The following ABTB2 variants were observed in gnomAD, a reference collection of about 807,000 sequenced individuals.
ABTB2 encodes the protein ankyrin repeat and BTB/POZ domain-containing protein 2.
ABTB2 carries 56 observed loss-of-function variants against 104.1 expected under a neutral mutation model. The observed-to-expected ratio is 0.54, with a 90% CI of 0.43 to 0.67. The LOEUF is 0.67. Among genes scored for constraint, ABTB2 ranks in the 30% least tolerant of loss-of-function variants. The probability of loss-of-function intolerance (pLI) is 0.00; values close to 1 mark genes in which losing one functional copy is unlikely to be tolerated. For missense variants in ABTB2, 1,279 were observed against 1,407.7 expected (o/e 0.91, Z 1.46); for synonymous variants, 606 against 608.2 (o/e 1.00, Z 0.05).
intron 1 of ABTB2, among the ~76,000 whole-genome samples, chr11:34,258,633 C>A (rs1207102210): frequency 3.0e-5 from 3 of 101,270 alleles, no homozygotes; most frequent in East Asian, 3.3e-4. Context: ...TTTTTTGAGA[C>A]GGAGTCTTGC....
chr11:34,195,090 G>GGGGGGGC, intron 3 of ABTB2, among the ~76,000 whole-genome samples: 1 of 102,358 alleles, frequency 9.8e-6, no homozygotes, highest in Non-Finnish European at 2.3e-5. Flanking sequence ...GGGGGGAGTG[G>GGGGGGGC]GGGCGGGAGA....
At chr11:34,303,895 G>A (rs929483747) in intron 1 of ABTB2, among the ~76,000 whole-genome samples, 7 of 151,972 alleles carry the variant, frequency 4.6e-5, no homozygotes, top group Non-Finnish European at 7.4e-5. Context: ...CACCCGTCTC[G>A]GCCTCCAAAA....
chr11:34,287,536 CAAATAAAT>C (rs1283621222), intron 1 of ABTB2, among the ~76,000 whole-genome samples: 3 of 152,170 alleles, frequency 2.0e-5, no homozygotes, highest in African/African-American at 7.2e-5. Flanking sequence ...AAGACTCTGC[CAAATAAAT>C]AAATAAACAG....
intron 16 of ABTB2, among the ~76,000 whole-genome samples, chr11:34,153,875 C>T (rs1352212502): frequency 6.6e-6 from 1 of 152,142 alleles, no homozygotes; most frequent in East Asian, 1.9e-4. Flanking sequence ...TGAGTCTGAG[C>T]AACTGAGCAG....
intron 14 of ABTB2, among the ~76,000 whole-genome samples, chr11:34,158,169 CTTT>C (rs1198457247): frequency 2.6e-5 from 4 of 152,352 alleles, no homozygotes; most frequent in Admixed American, 6.5e-5. Context: ...AATCCCAGCA[CTTT>C]GGGAGGCCAA....
intron 1 of ABTB2, among the ~76,000 whole-genome samples, chr11:34,248,669 G>A (rs888249718): frequency 1.3e-5 from 2 of 152,186 alleles, no homozygotes; most frequent in Admixed American, 6.5e-5. Context: ...CCTTAAGAAC[G>A]TAAAACAAGT....
In ABTB2 at chr11:34,154,245, C is replaced by G. The variant is rs147573517; in HGVS notation, c.2880+20G>C. On this transcript the variant is annotated intron_variant, in intron 16 of 16. Transcript: ENST00000435224. This position sits in a 1 kb window ranked among gnomAD's most constrained non-coding sequence, Gnocchi z 4.9. ...AGAGCATGTGGTGGGAGGTGGCCAG[C>G]AGGCATCCTTGGCCCTCACCTTGGC... The G allele has an allele frequency of 1.3e-6, 2 of 1,589,644 alleles. No homozygotes were observed. The highest frequency in any genetic ancestry group is 2.2e-5 in the East Asian group (1 of 44,712).
intron 16 of ABTB2, among the ~76,000 whole-genome samples, chr11:34,152,890 C>T (rs529082930): frequency 6.6e-5 from 10 of 152,218 alleles, no homozygotes; most frequent in Non-Finnish European, 1.2e-4. Flanking sequence ...GTCCAGGGCT[C>T]AGCACCAGGC....
At chr11:34,352,653 C>T (rs892504620) in intron 1 of ABTB2, among the ~76,000 whole-genome samples, 3 of 152,220 alleles carry the variant, frequency 2.0e-5, no homozygotes, top group African/African-American at 7.2e-5. Flanking sequence ...ATTTAATTCT[C>T]ATACCACCCA....
Position 34,197,060 on chromosome 11 carries a change from G to A in ABTB2, c.1244+265C>T, listed in dbSNP as rs1220984031. Reference sequence around the variant, plus strand: ...ATTTCAGAGAGCCCAGTGAGCTCATGCCAGACTGGGCACAGAGGCAGAAGC... The same window carrying A: ...ATTTCAGAGAGCCCAGTGAGCTCATACCAGACTGGGCACAGAGGCAGAAGC... On this transcript the variant is annotated intron_variant, in intron 3 of 16. Coordinates refer to ENST00000435224, the MANE Select transcript of ABTB2 (RefSeq NM_145804.3). 2.6e-5 allele frequency among the ~76,000 whole-genome samples: 4 copies of A among 152,190 alleles called. No homozygotes were observed. The East Asian group carries it at 7.7e-4, about 29-fold the overall frequency.
intron 10 of ABTB2, among the ~76,000 whole-genome samples, chr11:34,162,109 A>C (rs1177885623): frequency 2.6e-5 from 4 of 152,194 alleles, no homozygotes; most frequent in African/African-American, 9.7e-5. Context: ...TATGCAGCTA[A>C]CACAGGACCT....
rs1855460678 is a variant in ABTB2, at chr11:34,356,018, GA to G, written c.883+682del. Among the ~76,000 whole-genome samples the G allele has an allele frequency of 6.6e-6, 1 of 152,156 alleles. No homozygotes were observed. The highest frequency in any genetic ancestry group is 2.4e-5 in the African/African-American group (1 of 41,446). ...GGCTCACTTGGTTGGTGACAGCTTG[GA>G]AAAATCAGGTCTCAGGAGACAATCT... On this transcript the variant is annotated intron_variant, in intron 1 of 16. Transcript: ENST00000435224. The surrounding 1 kb of genome is among the most constrained non-coding windows in gnomAD (Gnocchi z 4.6).
At position 34,204,544 on chromosome 11, in the gene ABTB2, T is replaced by G. The variant is rs781233440; in HGVS notation, c.1030A>C (p.Ser344Arg). The G allele has an allele frequency of 1.9e-6, 3 of 1,605,486 alleles. No homozygotes were observed. Among genetic ancestry groups the G allele is most frequent in the Non-Finnish European group, 2.5e-6 (3 of 1,176,814 alleles). ...ATCVGSISEL[S>R]DLVSRAMHHM... Reference sequence around the variant, plus strand: ...AGCTAGACACTGAGGCCACACTTACTCAGCTCCGAGATGCTGCCCACGCAG... The same window carrying G: ...AGCTAGACACTGAGGCCACACTTACGCAGCTCCGAGATGCTGCCCACGCAG... The change falls in exon 2 of 17, where the codon AGT becomes CGT. Residue 344 changes from serine to arginine, a missense_variant and splice_region_variant. Transcript: ENST00000435224.
intron 3 of ABTB2, among the ~76,000 whole-genome samples, chr11:34,185,628 A>T (rs796656064): frequency 1.4e-4 from 22 of 152,332 alleles, no homozygotes; most frequent in African/African-American, 5.1e-4. Context: ...GACAAAGGTG[A>T]TTAGTCTGGT....
At chr11:34,215,999 T>C (rs1249206533) in intron 1 of ABTB2, among the ~76,000 whole-genome samples, 1 of 152,240 alleles carries the variant, frequency 6.6e-6, no homozygotes, top group Non-Finnish European at 1.5e-5. Context: ...TATTCTGCAT[T>C]CATTCACTCA....
intron 1 of ABTB2, among the ~76,000 whole-genome samples, chr11:34,337,897 T>C (rs1855211319): frequency 6.6e-6 from 1 of 152,128 alleles, no homozygotes; most frequent in South Asian, 2.1e-4. Flanking sequence ...ACCCTAACCA[T>C]GATCTCCATC....
intron 4 of ABTB2, among the ~76,000 whole-genome samples, chr11:34,172,371 C>CA (rs1230787869): frequency 0.03 from 1,849 of 61,656 alleles, 229 homozygotes; most frequent in Non-Finnish European, 0.036. Context: ...AACTCTGTCT[C>CA]AAAAAAAAAA....
intron 1 of ABTB2, among the ~76,000 whole-genome samples, chr11:34,238,176 C>T (rs564831707): frequency 1.6e-4 from 24 of 152,338 alleles, no homozygotes; most frequent in African/African-American, 5.5e-4. Flanking sequence ...TGTTCTCAAA[C>T]ATGCTAGCCA....
rs370118121 is a variant in ABTB2 at position 34,173,210 on chromosome 11, G to T, written c.1342C>A (p.Arg448=). 9 of 1,613,694 alleles carry T rather than the reference G, an allele frequency of 5.6e-6. No homozygotes were observed. In the South Asian group the frequency reaches 8.8e-5, roughly 16 times the overall value. The change falls in exon 4 of 17, where the codon CGG becomes AGG. Residue 448 remains arginine, a synonymous_variant. Coordinates refer to ENST00000435224, the MANE Select transcript of ABTB2 (RefSeq NM_145804.3). ...RSLTVDSGDI[R]QAARLLLPGL... ...GGCAGCAGCAGCCGGGCTGCCTGCCGGATGTCGCCGCTGTCCACGGTGAGG... is the reference window on the plus strand; with the variant it reads ...GGCAGCAGCAGCCGGGCTGCCTGCCTGATGTCGCCGCTGTCCACGGTGAGG...
Sources: gnomAD v4.1 joint callset for allele counts (sites outside exome capture counted in the v4.1 genomes callset) on GRCh38, gnomAD v4.1.1 for gene constraint, Gnocchi (gnomAD v3.1) non-coding constraint, MANE v1.5 for transcripts, NCBI Gene and HGNC (gene_info 2026-07-23, HGNC 2026-07-21) for gene names.